The following ATP7B variants were observed in gnomAD, a reference collection of about 807,000 sequenced individuals.
The protein encoded by ATP7B is copper-transporting ATPase 2.
Under a neutral mutation model 118.9 loss-of-function variants are expected in ATP7B, and 113 were observed. That is an observed-to-expected ratio of 0.95 (90% CI 0.82 to 1.11). The LOEUF is 1.11. Ranked by LOEUF, ATP7B falls within the 50% of genes most tolerant of loss-of-function variation. ATP7B has a pLI of 0.00. For synonymous variants in ATP7B, 777 were observed against 727.4 expected, an observed-to-expected ratio of 1.07 and a Z score of -1.10; for missense variants, 1,867 against 1,871.4, an observed-to-expected ratio of 1.00 and a Z score of 0.04.
intron 8 of ATP7B, chr13:51,958,093 T>C: frequency 1.7e-6 from 1 of 603,552 alleles, no homozygotes; most frequent in East Asian, 2.9e-5. Context: ...TACACCTGAA[T>C]GATGGTTTTA....
At position 51,978,139 on chromosome 13, in the gene ATP7B, G is replaced by C. The variant is rs1952218599; in HGVS notation, c.52-2971C>G. ...CCAAGAAAATCCAAAAGCTATAAAA[G>C]ATTTGACATAACTAAACACAATAAG... On this transcript the variant is annotated intron_variant, in intron 1 of 20. Transcript: ENST00000242839. Among the ~76,000 whole-genome samples, 3 of 152,040 alleles carry C rather than the reference G, an allele frequency of 2.0e-5. No individual in the cohort carries two copies. The South Asian group carries it at 6.2e-4, about 32-fold the overall frequency.
chr13:52,005,862 A>C (rs995715565), intron 1 of ATP7B, among the ~76,000 whole-genome samples: 7 of 152,198 alleles, frequency 4.6e-5, no homozygotes, highest in Non-Finnish European at 1.0e-4. Flanking sequence ...AACTGGCCCC[A>C]AAACTGACCA....
intron 6 of ATP7B, among the ~76,000 whole-genome samples, chr13:51,960,894 C>G (rs965956341): frequency 6.6e-6 from 1 of 152,028 alleles, no homozygotes; most frequent in Non-Finnish European, 1.5e-5. Flanking sequence ...CCATGAAATT[C>G]CAACCGAGTG....
intron 1 of ATP7B, among the ~76,000 whole-genome samples, chr13:51,990,859 G>A (rs1487038029): frequency 6.6e-6 from 1 of 152,242 alleles, no homozygotes; most frequent in Non-Finnish European, 1.5e-5. Context: ...GGAGGCCGAG[G>A]CAGGTGGATC....
chr13:51,965,144 A>G, intron 4 of ATP7B, 111 bp from the exon 5 acceptor site: 14 of 1,360,472 alleles, frequency 1.0e-5, no homozygotes, highest in Non-Finnish European at 1.4e-5. Flanking sequence ...CCTCCTCAGC[A>G]CTGCTCTCAA....
intron 1 of ATP7B, among the ~76,000 whole-genome samples, chr13:51,992,181 C>T (rs1226028438): frequency 6.6e-6 from 1 of 151,646 alleles, no homozygotes; most frequent in Non-Finnish European, 1.5e-5. Context: ...ATCTGCTAGG[C>T]ATAAACAGCA....
intron 4 of ATP7B, 33 bp downstream of exon 4, chr13:51,968,411 C>T (rs1951673446): frequency 3.1e-6 from 5 of 1,613,986 alleles, no homozygotes; most frequent in Non-Finnish European, 4.2e-6. Flanking sequence ...CTGTCAGAAG[C>T]CTGTAACCCC....
chr13:52,006,250 TCAGTGAGC>T (rs1953765679), intron 1 of ATP7B, among the ~76,000 whole-genome samples: 1 of 152,222 alleles, frequency 6.6e-6, no homozygotes, highest in African/African-American at 2.4e-5. Context: ...TGCTATGGCA[TCAGTGAGC>T]AGTGTTCATG....
Position 51,953,635 on chromosome 13 carries a change from G to A in ATP7B, c.2448-3236C>T, listed in dbSNP as rs139909213. ...TTCAGAAGCTACTATTCCTCTCCAA[G>A]TGCTGAGCGATAGGAACCCTCTTAA... On this transcript the variant is annotated intron_variant, in intron 9 of 20. Coordinates refer to ENST00000242839, the MANE Select transcript of ATP7B (RefSeq NM_000053.4). Among the ~76,000 whole-genome samples the A allele has an allele frequency of 6.1e-3, 929 of 152,158 alleles. 3 individuals are homozygous for A. The highest frequency in any genetic ancestry group is 0.02 in the African/African-American group (840 of 41,506).
chr13:51,934,759 G>T lies in ATP7B; in HGVS notation c.4395C>A (p.Ile1465=), dbSNP rs199859839. Residue 1465 remains isoleucine, a synonymous_variant, in exon 21 of 21, where the codon ATC becomes ATA. Coordinates refer to ENST00000242839, the MANE Select transcript of ATP7B (RefSeq NM_000053.4). ...LLNGRDEEQY[I] ...CCGGCCCGCCTGCCTGAAGTCATCA[G>T]ATGTACTGCTCCTCATCCCTGCCAT... The T allele has an allele frequency of 1.3e-5, 21 of 1,613,592 alleles. No individual in the cohort carries two copies. The Admixed American group carries it at 2.8e-4, about 22-fold the overall frequency.
At chr13:51,936,078 C>T (rs1341458337) in intron 19 of ATP7B, among the ~76,000 whole-genome samples, 1 of 152,220 alleles carries the variant, frequency 6.6e-6, no homozygotes, top group Admixed American at 6.5e-5. Flanking sequence ...CCACAGAGGA[C>T]AAACACGGCT....
chr13:51,945,345 C>G (rs892219997), intron 13 of ATP7B, among the ~76,000 whole-genome samples: 1 of 152,218 alleles, frequency 6.6e-6, no homozygotes, highest in African/African-American at 2.4e-5. Context: ...TTTGCTCATT[C>G]AACAGATAAC....
chr13:51,982,293 C>G (rs1952459749), intron 1 of ATP7B, among the ~76,000 whole-genome samples: 1 of 152,118 alleles, frequency 6.6e-6, no homozygotes, highest in African/African-American at 2.4e-5. Flanking sequence ...GTCTTTCCTA[C>G]TTCTGAATTT....
upstream of ATP7B, chr13:52,011,917 G>A (rs1384503223): frequency 6.4e-5 from 17 of 266,456 alleles, no homozygotes; most frequent in Non-Finnish European, 7.3e-6. Context: ...CGGCGGCGCC[G>A]CGTCGGGTCC....
chr13:51,970,657 C>A lies in ATP7B; in HGVS notation c.1378G>T (p.Ala460Ser), dbSNP rs1258433018. 6.2e-7 allele frequency: 1 copy of A among 1,614,026 alleles called. No homozygotes were observed. Among genetic ancestry groups the A allele is most frequent in the Non-Finnish European group, 8.5e-7 (1 of 1,180,028 alleles). ...DGTPTSVQEVAPHTGRLPANH... is the reference protein window; with the variant it reads ...DGTPTSVQEVSPHTGRLPANH... ...GCAGGGAGCCTCCCAGTGTGGGGAG[C>A]CACTTCCTGCACAGATGTAGGTGTA... Residue 460 changes from alanine (A) to serine (S), a missense_variant, in exon 3 of 21, where the codon GCT becomes TCT. By Grantham distance (99) the Ala-to-Ser change is moderately conservative. Coordinates refer to ENST00000242839, the MANE Select transcript of ATP7B (RefSeq NM_000053.4).
chr13:51,961,973 A>G, intron 5 of ATP7B, 60 bp from the exon 6 acceptor site: 2 of 1,422,806 alleles, frequency 1.4e-6, no homozygotes, highest in East Asian at 2.3e-5. Flanking sequence ...TAAAATATGC[A>G]TTGGCAGAAA....
chr13:51,950,350 C>T lies in ATP7B; in HGVS notation c.2497G>A (p.Val833Met). 1.2e-6 allele frequency: 2 copies of T among 1,614,192 alleles called. No homozygotes were observed. The highest frequency in any genetic ancestry group is 1.7e-6 in the Non-Finnish European group (2 of 1,180,036). The change falls in exon 10 of 21, where the codon GTG becomes ATG. Residue 833 changes from valine to methionine, a missense_variant. Coordinates refer to ENST00000242839, the MANE Select transcript of ATP7B (RefSeq NM_000053.4). ...ACTGGAAACTTTCCCCCAGGGACCA[C>T]CTTGACGATATCGCCCCGCTGCACC... ...ELVQRGDIVK[V>M]VPGGKFPVDG...
At chr13:51,996,527 C>CT (rs1463012529) in intron 1 of ATP7B, among the ~76,000 whole-genome samples, 1 of 152,216 alleles carries the variant, frequency 6.6e-6, no homozygotes, top group African/African-American at 2.4e-5. Flanking sequence ...AATGATCACT[C>CT]TGTCTCTCCG....
intron 3 of ATP7B, among the ~76,000 whole-genome samples, chr13:51,969,378 C>T (rs1951729900): frequency 6.6e-6 from 1 of 151,800 alleles, no homozygotes; most frequent in Non-Finnish European, 1.5e-5. Context: ...TAGAAGACAC[C>T]AATGAAATAA....
Sources: allele counts gnomAD v4.1 joint callset (sites outside exome capture counted in the v4.1 genomes callset), GRCh38; gene constraint gnomAD v4.1.1; transcripts MANE v1.5; gene names NCBI Gene and HGNC (gene_info 2026-07-23, HGNC 2026-07-21).